Variants in PCDH11X observed in about 807,000 individuals in gnomAD.
PCDH11X encodes the protein protocadherin 11 X-linked.
Under a neutral mutation model 53.3 loss-of-function variants are expected in PCDH11X, and 18 were observed. The ratio of observed to expected loss-of-function variants is 0.34; its 90% confidence interval spans 0.23 to 0.50. The LOEUF (loss-of-function observed/expected upper bound fraction) is 0.50, where lower values mean the gene tolerates loss of function less well. Among genes scored for constraint, PCDH11X ranks in the 20% least tolerant of loss-of-function variants. The pLI is 0.98. For missense variants in PCDH11X, 570 were observed against 1,032.4 expected, an observed-to-expected ratio of 0.55 and a Z score of 6.14; for synonymous variants, 279 against 393.3, an observed-to-expected ratio of 0.71 and a Z score of 3.44.
chrX:92,208,536 T>C (rs866784372), intron 7 of PCDH11X, among the ~76,000 whole-genome samples: 36 of 80,012 alleles, frequency 4.5e-4, no homozygotes, highest in African/African-American at 1.7e-3. Flanking sequence ...TATATATATA[T>C]ACAATTTTTT....
intron 10 of PCDH11X, among the ~76,000 whole-genome samples, chrX:92,582,507 A>G (rs1303226690): frequency 9.2e-6 from 1 of 109,128 alleles, no homozygotes; most frequent in Non-Finnish European, 1.9e-5. Flanking sequence ...CTCCACCTAG[A>G]TTTCAGAGTG....
chrX:92,250,715 A>T (rs936932741), intron 7 of PCDH11X, among the ~76,000 whole-genome samples: 1 of 108,628 alleles, frequency 9.2e-6, no homozygotes, highest in Non-Finnish European at 1.9e-5. Context: ...ATAAATCTTG[A>T]AGCTATTATG....
intron 6 of PCDH11X, among the ~76,000 whole-genome samples, chrX:92,135,453 G>GTACAGTAAAAGATT (rs1157287036): frequency 1.4e-4 from 16 of 110,429 alleles, no homozygotes; most frequent in African/African-American, 5.3e-4. Flanking sequence ...TGATGATTTT[G>GTACAGTAAAAGATT]TACAGTAAAA....
chrX:92,225,049 T>C (rs1170879221), intron 7 of PCDH11X, among the ~76,000 whole-genome samples: 1 of 111,666 alleles, frequency 9.0e-6, no homozygotes, highest in African/African-American at 3.3e-5. Context: ...TGGTATTTTT[T>C]CTATTGCAAC....
At chrX:91,861,233 G>A (rs368625833) in intron 5 of PCDH11X, among the ~76,000 whole-genome samples, 21 of 111,481 alleles carry the variant, frequency 1.9e-4, no homozygotes, top group Non-Finnish European at 3.0e-4. Flanking sequence ...GGAATTTATC[G>A]ATTTCTTCTA....
intron 5 of PCDH11X, among the ~76,000 whole-genome samples, chrX:91,840,375 G>A (rs777808640): frequency 9.0e-6 from 1 of 111,252 alleles, no homozygotes; most frequent in African/African-American, 3.3e-5. Flanking sequence ...CTTTTTCTCA[G>A]GTTAGTGATC....
At chrX:92,491,644 T>C (rs1362191050) in intron 10 of PCDH11X, among the ~76,000 whole-genome samples, 1 of 110,826 alleles carries the variant, frequency 9.0e-6, no homozygotes. Context: ...ATATTAACTA[T>C]AGACCTCATG....
intron 10 of PCDH11X, among the ~76,000 whole-genome samples, chrX:92,588,097 A>G (rs1443313585): frequency 8.7e-5 from 8 of 92,372 alleles, no homozygotes; most frequent in Non-Finnish European, 1.7e-4. Flanking sequence ...GAACCTCGCT[A>G]ATTCACAATG....
At chrX:92,406,949 A>T (rs1224825366) in intron 9 of PCDH11X, among the ~76,000 whole-genome samples, 2 of 85,112 alleles carry the variant, frequency 2.3e-5, no homozygotes, top group Non-Finnish European at 4.5e-5. Flanking sequence ...AAAAAAAAAA[A>T]GGAAAAATTG....
chrX:92,506,230 T>TC lies in PCDH11X; in HGVS notation c.3367+37908_3367+37909insC, dbSNP rs1298315104. Among the ~76,000 whole-genome samples the TC allele has an allele frequency of 2.7e-3, 249 of 91,127 alleles. 2 individuals are homozygous for TC. Among genetic ancestry groups the TC allele is most frequent in the African/African-American group, 9.4e-3 (235 of 24,887 alleles). The allele number at this position is 91,127 out of a possible 115,157, so 79.1% of individuals were successfully genotyped here. A position where few individuals can be genotyped will look rare whatever the true frequency, so the allele number is the denominator to read the frequency against. ...TCTTTTCTTTTCTTTTTTTTTTTTTTTTTTTTTTGCCTGATTGCTCTGGCT... is the reference window on the plus strand; with the variant it reads ...TCTTTTCTTTTCTTTTTTTTTTTTTTCTTTTTTTTGCCTGATTGCTCTGGCT... On this transcript the variant is annotated intron_variant, in intron 10 of 10. Transcript: ENST00000682573.
chrX:91,985,980 T>G (rs376156836), intron 6 of PCDH11X, among the ~76,000 whole-genome samples: 2 of 98,343 alleles, frequency 2.0e-5, no homozygotes, highest in East Asian at 6.3e-4. Flanking sequence ...CAGATGTTTT[T>G]CAGCCTCCCA....
At chrX:92,072,410 A>G (rs2063716343) in intron 6 of PCDH11X, among the ~76,000 whole-genome samples, 1 of 111,095 alleles carries the variant, frequency 9.0e-6, no homozygotes, top group South Asian at 3.8e-4. Flanking sequence ...AGTTTCCCTG[A>G]AGCCAGCACA....
intron 6 of PCDH11X, among the ~76,000 whole-genome samples, chrX:92,070,647 C>T (rs1001708914): frequency 1.8e-5 from 2 of 111,196 alleles, no homozygotes; most frequent in Non-Finnish European, 3.8e-5. Flanking sequence ...GAGGTGATCT[C>T]CTTCAGGTTA....
At chrX:92,279,505 T>C (rs915022331) in intron 8 of PCDH11X, among the ~76,000 whole-genome samples, 3 of 112,433 alleles carry the variant, frequency 2.7e-5, no homozygotes, top group African/African-American at 9.7e-5. Flanking sequence ...GTTTCGTATT[T>C]TGTAATAAAG....
chrX:92,142,370 GCACACA>G lies in PCDH11X; in HGVS notation c.3034-58980_3034-58975del, dbSNP rs201418320. 7.7e-3 allele frequency among the ~76,000 whole-genome samples: 737 copies of G among 95,554 alleles called. 6 individuals are homozygous for G. The highest frequency in any genetic ancestry group is 0.017 in the Middle Eastern group (3 of 180). 83.0% of individuals were successfully genotyped at this position (95,554 alleles called of 115,157 possible). On this transcript the variant is annotated intron_variant, in intron 6 of 10. Transcript: ENST00000682573. ...AGTTGGTCCATGCATGTGCGCGCGC[GCACACA>G]CACACACACACACACACACACACAT...
chrX:92,067,482 A>G (rs1205964594), intron 6 of PCDH11X, among the ~76,000 whole-genome samples: 1 of 111,586 alleles, frequency 9.0e-6, no homozygotes, highest in East Asian at 2.8e-4. Flanking sequence ...ATGTGGAGTC[A>G]TCTTTGCATC....
At chrX:92,027,190 GA>G (rs962980026) in intron 6 of PCDH11X, among the ~76,000 whole-genome samples, 1 of 111,254 alleles carries the variant, frequency 9.0e-6, no homozygotes, top group Non-Finnish European at 1.9e-5. Flanking sequence ...ATTTATGTAT[GA>G]ATGTGTCTCA....
At chrX:92,473,375 T>C (rs1291743248) in intron 10 of PCDH11X, among the ~76,000 whole-genome samples, 1 of 111,899 alleles carries the variant, frequency 8.9e-6, no homozygotes, top group Non-Finnish European at 1.9e-5. Flanking sequence ...GGCTTGTCAA[T>C]TTTGTTTAAA....
intron 6 of PCDH11X, among the ~76,000 whole-genome samples, chrX:91,975,343 T>G: frequency 8.9e-6 from 1 of 112,292 alleles, no homozygotes. Flanking sequence ...CAACTGTGAT[T>G]GGTAACAATG....
Sources: gnomAD v4.1 joint callset for allele counts (sites outside exome capture counted in the v4.1 genomes callset) on GRCh38, gnomAD v4.1.1 for gene constraint, MANE v1.5 for transcripts, NCBI Gene and HGNC (gene_info 2026-07-23, HGNC 2026-07-21) for gene names.